GRIA1: variants seen among roughly 807,000 people sequenced by gnomAD.
The protein encoded by GRIA1 is glutamate receptor 1.
Under a neutral mutation model 99.2 loss-of-function variants are expected in GRIA1, and 31 were observed. The ratio of observed to expected loss-of-function variants is 0.31; its 90% CI spans 0.23 to 0.42. The LOEUF (loss-of-function observed/expected upper bound fraction) is 0.42. Ranked by LOEUF, GRIA1 falls within the 10% of genes least tolerant of loss-of-function variation. The pLI, the probability that GRIA1 is intolerant of heterozygous loss-of-function variation, is 1.00. For synonymous variants in GRIA1, 438 were observed against 432.4 expected (o/e 1.01, Z -0.16); for missense variants, 782 against 1,157.5 (o/e 0.68, Z 4.71).
intron 2 of GRIA1, among the ~76,000 whole-genome samples, chr5:153,560,729 G>A (rs1761046705): frequency 6.6e-6 from 1 of 152,164 alleles, no homozygotes; most frequent in Admixed American, 6.5e-5. Context: ...TTAGCAGCAT[G>A]ACAACAGACT....
chr5:153,809,922 A>T (rs1766700750), intron 15 of GRIA1, among the ~76,000 whole-genome samples: 2 of 152,318 alleles, frequency 1.3e-5, no homozygotes, highest in South Asian at 2.1e-4. Context: ...GGTCCCATTG[A>T]CAATTCTTTA....
intron 13 of GRIA1, among the ~76,000 whole-genome samples, chr5:153,774,065 A>ACCC (rs1200579843): frequency 3.6e-5 from 2 of 54,896 alleles, no homozygotes; most frequent in Non-Finnish European, 6.8e-5. Flanking sequence ...CTACACCCCA[A>ACCC]CCCCCCCTCC....
chr5:153,550,728 T>C (rs570467821), intron 2 of GRIA1, among the ~76,000 whole-genome samples: 2 of 152,306 alleles, frequency 1.3e-5, no homozygotes, highest in South Asian at 4.1e-4. Context: ...TCCTAACCTG[T>C]CTATCTTAAT....
At chr5:153,590,301 G>A (rs999476606) in intron 2 of GRIA1, among the ~76,000 whole-genome samples, 1 of 152,088 alleles carries the variant, frequency 6.6e-6, no homozygotes, top group Non-Finnish European at 1.5e-5. Context: ...ATTATACCAA[G>A]TTCACAAAAC....
chr5:153,564,186 C>T (rs1761410410), intron 2 of GRIA1, among the ~76,000 whole-genome samples: 1 of 152,096 alleles, frequency 6.6e-6, no homozygotes, highest in Non-Finnish European at 1.5e-5. Flanking sequence ...TGAGAGATTG[C>T]CCTATAAACT....
At chr5:153,596,896 G>A (rs1764481687) in intron 2 of GRIA1, among the ~76,000 whole-genome samples, 1 of 152,236 alleles carries the variant, frequency 6.6e-6, no homozygotes, top group South Asian at 2.1e-4. Context: ...CCACCGGCAA[G>A]CCGGTGCTAG....
chr5:153,799,086 C>G (rs907111530), intron 14 of GRIA1, among the ~76,000 whole-genome samples: 5 of 151,298 alleles, frequency 3.3e-5, no homozygotes, highest in Non-Finnish European at 7.4e-5. Context: ...TTTCCACCCC[C>G]CCCTGACAAG....
At chr5:153,790,609 C>G (rs1328686349) in intron 13 of GRIA1, among the ~76,000 whole-genome samples, 1 of 152,134 alleles carries the variant, frequency 6.6e-6, no homozygotes, top group Non-Finnish European at 1.5e-5. Context: ...AGCAATGTGT[C>G]TAAATTCATT....
intron 13 of GRIA1, among the ~76,000 whole-genome samples, chr5:153,777,900 A>C (rs1037046192): frequency 6.6e-6 from 1 of 152,216 alleles, no homozygotes; most frequent in Non-Finnish European, 1.5e-5. Context: ...GGGAAATGAC[A>C]GTCCCTTTCA....
At chr5:153,491,021 T>G (rs1222585607) in intron 1 of GRIA1, 51 bp downstream of exon 1, 2 of 1,542,586 alleles carry the variant, frequency 1.3e-6, no homozygotes, top group African/African-American at 1.4e-5. Flanking sequence ...GGCCAGGGAT[T>G]TTTTTGGGGA....
intron 2 of GRIA1, among the ~76,000 whole-genome samples, chr5:153,627,480 C>T (rs1467240308): frequency 6.6e-6 from 1 of 152,142 alleles, no homozygotes; most frequent in East Asian, 1.9e-4. Context: ...CCCCAGAAAT[C>T]TCCCCTCACT....
At chr5:153,546,651 A>T (rs1205244333) in intron 2 of GRIA1, among the ~76,000 whole-genome samples, 1 of 152,162 alleles carries the variant, frequency 6.6e-6, no homozygotes, top group East Asian at 1.9e-4. Context: ...TAATTGGCCC[A>T]AGGAAACACA....
At chr5:153,592,014 C>T (rs1305486869) in intron 2 of GRIA1, among the ~76,000 whole-genome samples, 1 of 151,938 alleles carries the variant, frequency 6.6e-6, no homozygotes, top group African/African-American at 2.4e-5. Flanking sequence ...GCAAAAACAT[C>T]TCGGGCTTTA....
intron 2 of GRIA1, among the ~76,000 whole-genome samples, chr5:153,515,813 G>A (rs1386497055): frequency 6.6e-6 from 1 of 152,192 alleles, no homozygotes; most frequent in Non-Finnish European, 1.5e-5. Flanking sequence ...GGCTAGGGTA[G>A]ATGTCTTTTT....
chr5:153,733,950 T>C (rs1242468212), intron 11 of GRIA1, among the ~76,000 whole-genome samples: 1 of 152,154 alleles, frequency 6.6e-6, no homozygotes, highest in African/African-American at 2.4e-5. Flanking sequence ...GGATAACTTA[T>C]CCACAGAAAA....
At chr5:153,795,332 G>T in intron 14 of GRIA1, 1 of 561,128 alleles carries the variant, frequency 1.8e-6, no homozygotes, top group Non-Finnish European at 3.3e-6. Context: ...ATGGTGGGGC[G>T]GGGCCAGATG....
chr5:153,517,866 A>G (rs905342594), intron 2 of GRIA1, among the ~76,000 whole-genome samples: 1 of 152,192 alleles, frequency 6.6e-6, no homozygotes, highest in African/African-American at 2.4e-5. Flanking sequence ...TGAACATTCC[A>G]TTCCTCTGCT....
In GRIA1 at chr5:153,688,625, C is replaced by T. The variant is rs539430170; in HGVS notation, c.1134+2296C>T. ...AAACACTGAGGTGGCTTGTTTATTT[C>T]TTTCAAAGCATTTAGCAGCTACTGT... is the stretch of plus-strand genomic sequence containing the variant. On this transcript the variant is annotated intron_variant, in intron 8 of 15. Coordinates refer to ENST00000285900, the MANE Select transcript of GRIA1 (RefSeq NM_000827.4). Among the ~76,000 whole-genome samples, 13 of 152,328 alleles carry T rather than the reference C, an allele frequency of 8.5e-5. 1 individual carries two copies. The highest frequency in any genetic ancestry group is 1.5e-4 in the Non-Finnish European group (10 of 68,030).
intron 2 of GRIA1, among the ~76,000 whole-genome samples, chr5:153,553,100 T>C (rs1012586326): frequency 2.0e-5 from 3 of 152,186 alleles, no homozygotes; most frequent in African/African-American, 7.2e-5. Flanking sequence ...GACAGTGGTG[T>C]CAAGGATATT....
Sources: gnomAD v4.1 joint callset for allele counts (sites outside exome capture counted in the v4.1 genomes callset) on GRCh38, gnomAD v4.1.1 for gene constraint, MANE v1.5 for transcripts, NCBI Gene and HGNC (gene_info 2026-07-23, HGNC 2026-07-21) for gene names.